Variants in APOL3 observed in about 807,000 individuals in gnomAD.
The protein encoded by APOL3 is apolipoprotein L3.
APOL3 carries 14 observed loss-of-function variants against 11.6 expected under a neutral mutation model. The ratio of observed to expected loss-of-function variants is 1.21; its 90% confidence interval spans 0.80 to 1.89. The LOEUF (loss-of-function observed/expected upper bound fraction) is 1.89, where lower values mean the gene tolerates loss of function less well. Ranked by LOEUF, APOL3 falls within the 40% of genes most tolerant of loss-of-function variation. The pLI, the probability that APOL3 is intolerant of heterozygous loss-of-function variation, is 0.00. For missense variants in APOL3, 483 were observed against 492.1 expected, an observed-to-expected ratio of 0.98 and a Z score of 0.17; for synonymous variants, 192 against 190.6, an observed-to-expected ratio of 1.01 and a Z score of -0.06.
At chr22:36,147,148 G>A (rs118016535) in intron 1 of APOL3, among the ~76,000 whole-genome samples, 1 of 152,304 alleles carries the variant, frequency 6.6e-6, no homozygotes, top group East Asian at 1.9e-4. Context: ...CTCCACTGTA[G>A]TATACCTGTG....
At chr22:36,158,299 G>T (rs1388367156) in intron 1 of APOL3, among the ~76,000 whole-genome samples, 2 of 152,124 alleles carry the variant, frequency 1.3e-5, no homozygotes, top group Non-Finnish European at 2.9e-5. Context: ...AAAGGTTCTG[G>T]TGTCCTGGAG....
intron 1 of APOL3, 64 bp downstream of exon 1, chr22:36,160,605 C>T (rs560117183): frequency 3.9e-5 from 61 of 1,544,382 alleles, no homozygotes; most frequent in Non-Finnish European, 5.3e-5. Context: ...GGTGAATGAC[C>T]CTTCTCTTAT....
exon 3 of APOL3, chr22:36,140,960 C>G (rs892840129): frequency 3.5e-5 from 19 of 540,084 alleles, no homozygotes; most frequent in Middle Eastern, 4.8e-4. Context: ...TCCTATTCCC[C>G]ACACTCTCCA....
At chr22:36,141,201 C>T (rs750671545) in exon 3 of APOL3, 2 of 1,611,916 alleles carry the variant, frequency 1.2e-6, no homozygotes, top group African/African-American at 1.3e-5. Context: ...GGTCTGGGGT[C>T]AGTGGGTATG....
chr22:36,142,037 G>T lies in APOL3; in HGVS notation c.372C>A (p.Tyr124Ter). ...ATGTTCTAAGCTTCTTCAGAGCTTC[G>T]TAGAGAGCATCTGCCTCATCCCTGT... The change falls in exon 3 of 3, where the codon TAC becomes TAA. Residue 124 changes from tyrosine to a stop codon, truncating the protein, a stop_gained. Transcript: ENST00000349314. LOFTEE classifies it low-confidence loss of function (END_TRUNC). 1.2e-6 allele frequency: 2 copies of T among 1,612,736 alleles called. No individual in the cohort carries two copies. Among genetic ancestry groups the T allele is most frequent in the Non-Finnish European group, 1.7e-6 (2 of 1,179,294 alleles).
At chr22:36,158,839 A>C (rs1001932720) in intron 1 of APOL3, among the ~76,000 whole-genome samples, 1 of 152,066 alleles carries the variant, frequency 6.6e-6, no homozygotes, top group Admixed American at 6.5e-5. Flanking sequence ...AATGAATGCG[A>C]TGCCTCCCTT....
In APOL3 at chr22:36,142,192, T is replaced by C; in HGVS notation, c.351-134A>G. The C allele has an allele frequency of 3.8e-6, 4 of 1,059,978 alleles. No individual in the cohort carries two copies. The African/African-American group carries it at 4.8e-5, about 13-fold the overall frequency. 65.7% of individuals were successfully genotyped at this position (1,059,978 alleles called of 1,614,324 possible). On this transcript the variant is annotated intron_variant, in intron 2 of 2. Transcript: ENST00000349314. Reference sequence around the variant, plus strand: ...TGGAAATAAAGCTTTAAATTTTAAATGGAAAAATTTAAAATAATTTTTCCA... The same window carrying C: ...TGGAAATAAAGCTTTAAATTTTAAACGGAAAAATTTAAAATAATTTTTCCA...
intron 1 of APOL3, chr22:36,146,001 T>TCTCTCTCTCTCTCTCTCTCTCACA (rs1167261836): frequency 2.9e-5 from 2 of 67,982 alleles, no homozygotes; most frequent in Non-Finnish European, 7.1e-5. Flanking sequence ...TCTCTCTCTC[T>TCTCTCTCTCTCTCTCTCTCTCACA]CACACACTCA....
chr22:36,141,532 T>C (rs1489405872), exon 3 of APOL3: 2 of 1,614,048 alleles, frequency 1.2e-6, no homozygotes, highest in African/African-American at 2.7e-5. Flanking sequence ...CGGATTTCAC[T>C]CCCAATGGTT....
chr22:36,159,858 T>C (rs559993249), intron 1 of APOL3, among the ~76,000 whole-genome samples: 1 of 152,008 alleles, frequency 6.6e-6, no homozygotes, highest in Admixed American at 6.5e-5. Flanking sequence ...GGTTCCTTGT[T>C]ATCTCTTTTC....
At chr22:36,151,672 AGTCTGAGCATGGTG>A (rs1481574872) in intron 1 of APOL3, among the ~76,000 whole-genome samples, 1 of 152,236 alleles carries the variant, frequency 6.6e-6, no homozygotes. Flanking sequence ...AAGCTACTTG[AGTCTGAGCATGGTG>A]GCTCATGCCT....
intron 1 of APOL3, among the ~76,000 whole-genome samples, chr22:36,148,281 G>A (rs2060291639): frequency 6.6e-6 from 1 of 152,232 alleles, no homozygotes; most frequent in Non-Finnish European, 1.5e-5. Context: ...TGCTTGTGAT[G>A]GGCCGTGCAG....
chr22:36,155,344 G>C (rs1213866137), intron 1 of APOL3, among the ~76,000 whole-genome samples: 1 of 152,130 alleles, frequency 6.6e-6, no homozygotes, highest in Non-Finnish European at 1.5e-5. Flanking sequence ...GTGGTTCCCG[G>C]GACCCCCTGA....
upstream of APOL3, among the ~76,000 whole-genome samples, chr22:36,164,105 C>G (rs770255485): frequency 6.6e-6 from 1 of 152,174 alleles, no homozygotes; most frequent in Non-Finnish European, 1.5e-5. Flanking sequence ...GCAATCATTT[C>G]TCCTAATGTT....
At chr22:36,160,901 A>G in exon 1 of APOL3, 1 of 1,612,180 alleles carries the variant, frequency 6.2e-7, no homozygotes, top group Non-Finnish European at 8.5e-7. Context: ...TCCTTGGTCC[A>G]GCAGCACCCT....
chr22:36,142,752 A>G (rs1478943245), intron 2 of APOL3, among the ~76,000 whole-genome samples: 3 of 152,138 alleles, frequency 2.0e-5, no homozygotes, highest in Non-Finnish European at 1.5e-5. Context: ...CTGTACATTG[A>G]GGCATAGGTT....
At chr22:36,162,941 G>A (rs1349526565), upstream of APOL3, among the ~76,000 whole-genome samples, 3 of 152,162 alleles carry the variant, frequency 2.0e-5, no homozygotes, top group African/African-American at 4.8e-5. Flanking sequence ...GCTATGTTTC[G>A]CTGCTTGGCT....
chr22:36,141,720 G>C (rs1466006757), exon 3 of APOL3: 48 of 1,614,070 alleles, frequency 3.0e-5, no homozygotes, highest in Non-Finnish European at 4.1e-5. Flanking sequence ...AGTCACAGCA[G>C]ACGCTGCTCC....
chr22:36,158,689 C>T (rs1179455371), intron 1 of APOL3, among the ~76,000 whole-genome samples: 4 of 152,042 alleles, frequency 2.6e-5, no homozygotes, highest in South Asian at 2.1e-4. Flanking sequence ...CGTGGTGGCA[C>T]GCCTCTGTAG....
Sources: gnomAD v4.1 joint callset for allele counts (sites outside exome capture counted in the v4.1 genomes callset) on GRCh38, gnomAD v4.1.1 for gene constraint, MANE v1.5 for transcripts, NCBI Gene and HGNC (gene_info 2026-07-23, HGNC 2026-07-21) for gene names.